NTRK3: variants seen among roughly 807,000 people sequenced by gnomAD.
NTRK3 encodes the protein NT-3 growth factor receptor.
Under a neutral mutation model 91.7 loss-of-function variants are expected in NTRK3, and 24 were observed. That is an observed-to-expected ratio of 0.26 (90% CI 0.19 to 0.37). The LOEUF is 0.37. Among genes scored for constraint, NTRK3 ranks in the 10% least tolerant of loss-of-function variants. The pLI, the probability that NTRK3 is intolerant of heterozygous loss-of-function variation, is 1.00. For missense variants in NTRK3, 880 were observed against 1,068.9 expected (o/e 0.82, Z 2.46); for synonymous variants, 483 against 404.0 (o/e 1.20, Z -2.34).
At chr15:87,931,004 A>G (rs1180922188) in intron 16 of NTRK3, 2 of 311,754 alleles carry the variant, frequency 6.4e-6, no homozygotes, top group Non-Finnish European at 1.3e-5. Context: ...GGAGAAGGCA[A>G]GGCACTGGCA....
chr15:88,061,726 G>C (rs909869498), intron 13 of NTRK3, among the ~76,000 whole-genome samples: 4 of 152,208 alleles, frequency 2.6e-5, no homozygotes, highest in African/African-American at 4.8e-5. Context: ...CTGGTTCCAG[G>C]GCCCGGAGGC....
At chr15:88,247,610 T>C (rs1270836270) in intron 3 of NTRK3, among the ~76,000 whole-genome samples, 1 of 152,182 alleles carries the variant, frequency 6.6e-6, no homozygotes, top group African/African-American at 2.4e-5. Context: ...ACAGTGACCC[T>C]ACGGGGGTGC....
intron 15 of NTRK3, among the ~76,000 whole-genome samples, chr15:87,939,189 T>C (rs1240094740): frequency 6.6e-6 from 1 of 152,132 alleles, no homozygotes; most frequent in Non-Finnish European, 1.5e-5. Flanking sequence ...ATGTCATGTA[T>C]CTAAGCACAT....
At chr15:88,121,052 C>A (rs2052647966) in intron 13 of NTRK3, among the ~76,000 whole-genome samples, 1 of 152,064 alleles carries the variant, frequency 6.6e-6, no homozygotes, top group African/African-American at 2.4e-5. Context: ...TTTAAAGATA[C>A]TTATGAGGTG....
chr15:87,919,951 TA>T (rs908768149), intron 17 of NTRK3, among the ~76,000 whole-genome samples: 2 of 152,170 alleles, frequency 1.3e-5, no homozygotes, highest in Non-Finnish European at 1.5e-5. Context: ...CCTCCTATCC[TA>T]AAAAAATCAA....
At chr15:87,944,873 C>G (rs193160505) in intron 14 of NTRK3, among the ~76,000 whole-genome samples, 60 of 152,348 alleles carry the variant, frequency 3.9e-4, no homozygotes, top group African/African-American at 1.4e-3. Context: ...TCACTTCTGA[C>G]GTCCACGCGT....
At chr15:88,019,160 T>G (rs1027854289) in intron 14 of NTRK3, among the ~76,000 whole-genome samples, 1 of 152,172 alleles carries the variant, frequency 6.6e-6, no homozygotes, top group African/African-American at 2.4e-5. Context: ...ATTACTAGGT[T>G]GCTCTCCCTA....
At chr15:88,209,441 C>T (rs1042448480) in intron 3 of NTRK3, among the ~76,000 whole-genome samples, 3 of 152,204 alleles carry the variant, frequency 2.0e-5, no homozygotes, top group East Asian at 1.9e-4. Context: ...CCCTATCAGT[C>T]AGAGACCAGT....
exon 19 of NTRK3, chr15:87,859,969 T>C (rs1253933751): frequency 1.0e-5 from 2 of 192,940 alleles, no homozygotes; most frequent in African/African-American, 2.3e-5. Flanking sequence ...TACATGTACA[T>C]GTGCATATAC....
In NTRK3 at chr15:88,234,723, A is replaced by T. The variant is rs1428612225; in HGVS notation, c.248+21183T>A. ...TATTACACCCATCACTTCAGCTGTA[A>T]GTCGAATCATCTCTTGTTTAAAAGG... On this transcript the variant is annotated intron_variant, in intron 3 of 18. Transcript: ENST00000394480. The surrounding 1 kb of genome is among the most constrained non-coding windows in gnomAD (Gnocchi z 6.1). 6.6e-6 allele frequency among the ~76,000 whole-genome samples: 1 copy of T among 152,178 alleles called. No homozygotes were observed. The highest frequency in any genetic ancestry group is 1.5e-5 in the Non-Finnish European group (1 of 68,034).
intron 14 of NTRK3, among the ~76,000 whole-genome samples, chr15:87,942,893 G>C (rs752527495): frequency 1.3e-5 from 2 of 152,094 alleles, no homozygotes; most frequent in Non-Finnish European, 2.9e-5. Flanking sequence ...AGAAATGAGG[G>C]CCAAATCAGG....
chr15:88,120,363 C>T (rs868540035), intron 13 of NTRK3, among the ~76,000 whole-genome samples: 3 of 152,204 alleles, frequency 2.0e-5, no homozygotes, highest in Middle Eastern at 3.2e-3. Context: ...CTTTAAGTAC[C>T]TATTAACTAA....
intron 13 of NTRK3, among the ~76,000 whole-genome samples, chr15:88,113,705 T>C (rs1044798111): frequency 3.3e-5 from 5 of 152,188 alleles, no homozygotes; most frequent in Non-Finnish European, 7.3e-5. Flanking sequence ...TTTTTATAAA[T>C]AAAGTTTTAT....
chr15:87,886,714 A>G (rs1311110935), intron 17 of NTRK3, among the ~76,000 whole-genome samples: 45 of 143,200 alleles, frequency 3.1e-4, no homozygotes, highest in Admixed American at 3.1e-3. Flanking sequence ...ATATACACAC[A>G]CACACATACA....
At chr15:88,068,238 C>G (rs1002243994) in intron 13 of NTRK3, among the ~76,000 whole-genome samples, 1 of 152,068 alleles carries the variant, frequency 6.6e-6, no homozygotes, top group Non-Finnish European at 1.5e-5. Flanking sequence ...TCGAGACCAG[C>G]CTGGACAACA....
At chr15:87,930,761 G>A in intron 16 of NTRK3, among the ~76,000 whole-genome samples, 1 of 152,194 alleles carries the variant, frequency 6.6e-6, no homozygotes, top group East Asian at 1.9e-4. Flanking sequence ...TCGACTGATA[G>A]AGCCTAGGAA....
rs11858918 is a variant in NTRK3, at chr15:88,157,450, C to A, written c.396-10047G>T. Among the ~76,000 whole-genome samples the A allele has an allele frequency of 2.2e-3, 339 of 152,234 alleles. 3 individuals carry two copies. The highest frequency in any genetic ancestry group is 7.6e-3 in the African/African-American group (316 of 41,530). On this transcript the variant is annotated intron_variant, in intron 5 of 18. Transcript: ENST00000394480. Reference sequence around the variant, plus strand: ...TCCCTTCTGGTCTGTGCTGCCTCGGCAGGGCCCATCCTGCCCTGGCCTCTT... The same window carrying A: ...TCCCTTCTGGTCTGTGCTGCCTCGGAAGGGCCCATCCTGCCCTGGCCTCTT...
At chr15:87,864,712 A>G (rs1185443367) in exon 19 of NTRK3, 1 of 229,262 alleles carries the variant, frequency 4.4e-6, no homozygotes, top group East Asian at 6.2e-5. Flanking sequence ...AAAGTGAAAA[A>G]TGCTAATGGC....
chr15:88,048,473 G>T (rs2080463634), intron 13 of NTRK3, among the ~76,000 whole-genome samples: 2 of 152,150 alleles, frequency 1.3e-5, no homozygotes, highest in African/African-American at 4.8e-5. Flanking sequence ...TGCTGACACA[G>T]GTACATTCCC....
Sources: gnomAD v4.1 joint callset for allele counts (sites outside exome capture counted in the v4.1 genomes callset) on GRCh38, gnomAD v4.1.1 for gene constraint, Gnocchi (gnomAD v3.1) non-coding constraint, MANE v1.5 for transcripts, NCBI Gene and HGNC (gene_info 2026-07-23, HGNC 2026-07-21) for gene names.